The following KLHDC1 variants were observed in gnomAD, a reference collection of about 807,000 sequenced individuals.
The protein encoded by KLHDC1 is kelch domain-containing protein 1.
Under a neutral mutation model 68.3 loss-of-function variants are expected in KLHDC1, and 53 were observed. That is an observed-to-expected ratio of 0.78 (90% CI 0.62 to 0.98). The LOEUF (loss-of-function observed/expected upper bound fraction) is 0.98, where lower values mean the gene tolerates loss of function less well. Ranked by LOEUF, KLHDC1 falls within the 50% of genes least tolerant of loss-of-function variation. The probability of loss-of-function intolerance (pLI) is 0.00; values close to 1 mark genes in which losing one functional copy is unlikely to be tolerated. For missense variants in KLHDC1, 470 were observed against 492.3 expected (o/e 0.95, Z 0.43); for synonymous variants, 148 against 159.0 (o/e 0.93, Z 0.52).
intron 8 of KLHDC1, among the ~76,000 whole-genome samples, chr14:49,730,862 C>T (rs1160402807): frequency 1.3e-5 from 2 of 151,978 alleles, no homozygotes; most frequent in Non-Finnish European, 2.9e-5. Flanking sequence ...ATCCCAGCTA[C>T]TCGGGAGCCT....
intron 8 of KLHDC1, 36 bp from the exon 9 acceptor site, chr14:49,732,668 T>C (rs377002223): frequency 2.8e-6 from 3 of 1,061,852 alleles, no homozygotes; most frequent in African/African-American, 3.2e-5. Context: ...TTTTGATTAA[T>C]ATAGTACCTA....
chr14:49,717,273 T>C (rs1049907717), intron 4 of KLHDC1, among the ~76,000 whole-genome samples: 66 of 152,194 alleles, frequency 4.3e-4, no homozygotes, highest in Non-Finnish European at 6.5e-4. Flanking sequence ...GTTTAAGTTT[T>C]TGAGGAACCA....
At position 49,723,887 on chromosome 14, in the gene KLHDC1, G is replaced by C; in HGVS notation, c.418G>C (p.Gly140Arg). 6.3e-7 allele frequency: 1 copy of C among 1,585,836 alleles called. No homozygotes were observed. Among genetic ancestry groups the C allele is most frequent in the South Asian group, 1.1e-5 (1 of 88,590 alleles). The change falls in exon 5 of 13, where the codon GGT becomes CGT. Residue 140 changes from glycine (G) to arginine (R), a missense_variant. Coordinates refer to ENST00000359332, the MANE Select transcript of KLHDC1 (RefSeq NM_172193.3). ...WVYKDRLIYF[G>R]GYGCRRHSEL... ...TTTGTTTTTCAGACTAATATATTTT[G>C]GTGGTTATGGGTGTAGGAGACACAG...
intron 4 of KLHDC1, among the ~76,000 whole-genome samples, chr14:49,713,582 T>C (rs1459734916): frequency 2.0e-5 from 3 of 151,630 alleles, no homozygotes; most frequent in Admixed American, 6.6e-5. Flanking sequence ...TTTAAAATCA[T>C]GGATTTGAAA....
In KLHDC1 at chr14:49,751,819, G is replaced by A; in HGVS notation, c.*47G>A. The stretch of plus-strand genomic sequence containing the variant: ...TTAGTATGTTTTAACTTTTTAATCA[G>A]ACTATACATTTACACTCCCAAATTG... On this transcript the variant is annotated 3_prime_UTR_variant, in exon 13 of 13. Transcript: ENST00000359332. 9.9e-7 allele frequency: 1 copy of A among 1,009,850 alleles called. No individual in the cohort carries two copies. The highest frequency in any genetic ancestry group is 1.4e-6 in the Non-Finnish European group (1 of 722,192). 62.6% of individuals were successfully genotyped at this position (1,009,850 alleles called of 1,614,324 possible).
At chr14:49,722,763 A>T (rs935585208) in intron 4 of KLHDC1, among the ~76,000 whole-genome samples, 8 of 151,686 alleles carry the variant, frequency 5.3e-5, no homozygotes, top group Non-Finnish European at 7.4e-5. Context: ...ATAAGAGAAG[A>T]GAGCTTGTGG....
At chr14:49,748,861 C>T (rs1036820138) in intron 12 of KLHDC1, among the ~76,000 whole-genome samples, 5 of 150,946 alleles carry the variant, frequency 3.3e-5, no homozygotes, top group African/African-American at 7.3e-5. Context: ...AGTGCAGTGG[C>T]GCAATCTTGG....
Position 49,693,252 on chromosome 14 carries a change from G to A in KLHDC1, c.58G>A (p.Val20Met), listed in dbSNP as rs1027311355. The change falls in exon 1 of 13, where the codon GTG (valine) becomes ATG (methionine). Residue 20 changes from valine (V) to methionine (M), a missense_variant. Coordinates refer to ENST00000359332, the MANE Select transcript of KLHDC1 (RefSeq NM_172193.3). ...GGAACGCAGCGGCCACTGCGCCGTG[G>A]TGGACGGAAACTTCCTCTACGTGTG... ...AEERSGHCAV[V>M]DGNFLYVWGG... 11 of 1,571,338 alleles carry A rather than the reference G, an allele frequency of 7.0e-6. No individual in the cohort carries two copies. The highest frequency in any genetic ancestry group is 9.5e-6 in the Non-Finnish European group (11 of 1,160,664).
chr14:49,729,097 C>A, intron 7 of KLHDC1, 88 bp downstream of exon 7: 1 of 886,584 alleles, frequency 1.1e-6, no homozygotes, highest in South Asian at 1.4e-5. Context: ...ATTGAACATT[C>A]ATGTAATCTA....
chr14:49,705,181 A>G (rs1243432486), intron 1 of KLHDC1, among the ~76,000 whole-genome samples: 1 of 152,064 alleles, frequency 6.6e-6, no homozygotes, highest in Non-Finnish European at 1.5e-5. Flanking sequence ...ATAGCAAGGA[A>G]CTAGGAGATG....
At position 49,716,601 on chromosome 14, in the gene KLHDC1, C is replaced by T. The variant is rs1328229902; in HGVS notation, c.404+6220C>T. 2.0e-5 allele frequency among the ~76,000 whole-genome samples: 3 copies of T among 152,174 alleles called. No homozygotes were observed. In the East Asian group the frequency reaches 5.8e-4, roughly 29 times the overall value. Reference sequence around the variant, plus strand: ...GTTTCACCATGTTGGCCAGGCTTGTCTCAAACTCCTGACCTCAGGTGATCC... The same window carrying T: ...GTTTCACCATGTTGGCCAGGCTTGTTTCAAACTCCTGACCTCAGGTGATCC... On this transcript the variant is annotated intron_variant, in intron 4 of 12. Coordinates refer to ENST00000359332, the MANE Select transcript of KLHDC1 (RefSeq NM_172193.3).
intron 4 of KLHDC1, among the ~76,000 whole-genome samples, chr14:49,719,394 T>G (rs191714619): frequency 6.6e-6 from 1 of 151,396 alleles, no homozygotes; most frequent in Non-Finnish European, 1.5e-5. Context: ...TTCAGCACTT[T>G]ACAGGTTTTA....
At position 49,743,738 on chromosome 14, in the gene KLHDC1, T is replaced by C. The variant is rs933952764; in HGVS notation, c.982-15T>C. 5.8e-6 allele frequency: 9 copies of C among 1,548,122 alleles called. No individual in the cohort carries two copies. The highest frequency in any genetic ancestry group is 7.1e-6 in the Non-Finnish European group (8 of 1,130,518). On this transcript the variant is annotated splice_polypyrimidine_tract_variant and intron_variant, in intron 11 of 12. Coordinates refer to ENST00000359332, the MANE Select transcript of KLHDC1 (RefSeq NM_172193.3). ...TTTATCAAAAACTTAATAATGCCTT[T>C]TTTGTGTTGATTAGGGTCACTGTAA... is the stretch of plus-strand genomic sequence containing the variant.
At chr14:49,696,604 C>G (rs1156412107) in intron 1 of KLHDC1, among the ~76,000 whole-genome samples, 1 of 152,188 alleles carries the variant, frequency 6.6e-6, no homozygotes, top group East Asian at 1.9e-4. Flanking sequence ...AGACCCTCTT[C>G]TGAGTTAGGC....
At chr14:49,711,904 C>CTTTT (rs1888211658) in intron 4 of KLHDC1, among the ~76,000 whole-genome samples, 1 of 89,104 alleles carries the variant, frequency 1.1e-5, no homozygotes, top group African/African-American at 4.1e-5. Flanking sequence ...TTTCTTTTTT[C>CTTTT]TTTTTCTTTT....
At chr14:49,708,165 G>A (rs946236486) in intron 1 of KLHDC1, among the ~76,000 whole-genome samples, 6 of 150,392 alleles carry the variant, frequency 4.0e-5, no homozygotes, top group African/African-American at 1.5e-4. Flanking sequence ...CCGTCTCCCA[G>A]GTTCAAGCGA....
At chr14:49,722,492 C>A (rs143024206) in intron 4 of KLHDC1, among the ~76,000 whole-genome samples, 154 of 152,290 alleles carry the variant, frequency 1.0e-3, no homozygotes, top group African/African-American at 3.6e-3. Flanking sequence ...GTATGTGCCA[C>A]ATTTTCTTAA....
intron 6 of KLHDC1, among the ~76,000 whole-genome samples, chr14:49,727,152 G>A (rs531312129): frequency 2.0e-5 from 3 of 152,248 alleles, no homozygotes; most frequent in East Asian, 3.9e-4. Flanking sequence ...GGAGGCTGAG[G>A]CAGGAGAATT....
At chr14:49,697,313 C>A (rs893700913) in intron 1 of KLHDC1, among the ~76,000 whole-genome samples, 2 of 152,146 alleles carry the variant, frequency 1.3e-5, no homozygotes, top group African/African-American at 4.8e-5. Context: ...AATGGTTGGT[C>A]AGTGGAATAG....
Sources: allele counts gnomAD v4.1 joint callset (sites outside exome capture counted in the v4.1 genomes callset), GRCh38; gene constraint gnomAD v4.1.1; transcripts MANE v1.5; gene names NCBI Gene and HGNC (gene_info 2026-07-23, HGNC 2026-07-21).